The following CBFB variants were observed in gnomAD, a reference collection of about 807,000 sequenced individuals.
The protein encoded by CBFB is core-binding factor subunit beta, also known as CBF-beta.
A neutral mutation model predicts 30.4 loss-of-function variants in CBFB; 9 were observed. The ratio of observed to expected loss-of-function variants is 0.30; its 90% CI spans 0.18 to 0.52. CBFB has a LOEUF of 0.52. Ranked by LOEUF, CBFB falls within the 20% of genes least tolerant of loss-of-function variation. The probability of loss-of-function intolerance (pLI) is 0.97; values close to 1 mark genes in which losing one functional copy is unlikely to be tolerated. For missense variants in CBFB, 170 were observed against 244.0 expected (o/e 0.70, Z 2.02); for synonymous variants, 94 against 84.0 (o/e 1.12, Z -0.65).
chr16:67,082,265 G>A lies in CBFB; in HGVS notation c.452G>A (p.Arg151His), dbSNP rs1467426352. Reference sequence around the variant, plus strand: ...TTTGAAGAGGCTCGGAGAAGGACACGCGAATTTGAAGATAGAGACAGGTCT... The same window carrying A: ...TTTGAAGAGGCTCGGAGAAGGACACACGAATTTGAAGATAGAGACAGGTCT... Reference protein sequence around the residue: ...QAFEEARRRTREFEDRDRSHR... With the variant: ...QAFEEARRRTHEFEDRDRSHR... The change falls in exon 5 of 6, where the codon CGC becomes CAC. Residue 151 changes from arginine to histidine, a missense_variant. Physicochemically the swap from Arg to His is conservative, Grantham distance 29. Transcript: ENST00000412916. The A allele has an allele frequency of 6.2e-6, 10 of 1,611,784 alleles. No individual in the cohort carries two copies. Among genetic ancestry groups the A allele is most frequent in the South Asian group, 2.2e-5 (2 of 90,896 alleles).
chr16:67,053,246 CTCTT>C (rs1960612478), intron 3 of CBFB, among the ~76,000 whole-genome samples: 1 of 144,014 alleles, frequency 6.9e-6, no homozygotes, highest in Admixed American at 6.9e-5. Context: ...GTCACTTTCT[CTCTT>C]TTTTTTTTTT....
intron 5 of CBFB, 47 bp from the exon 6 acceptor site, chr16:67,098,659 TTTGA>T: frequency 9.0e-7 from 1 of 1,107,234 alleles, no homozygotes; most frequent in Non-Finnish European, 1.4e-6. Context: ...TATCTAGTAT[TTTGA>T]TTGTCAAAAC....
chr16:67,087,080 A>T (rs897308569), intron 5 of CBFB, among the ~76,000 whole-genome samples: 3 of 152,104 alleles, frequency 2.0e-5, no homozygotes, highest in Non-Finnish European at 4.4e-5. Context: ...AAGTCAAGAG[A>T]GTGTGATTGG....
At chr16:67,074,045 CA>C (rs1221023197) in intron 4 of CBFB, among the ~76,000 whole-genome samples, 1 of 151,910 alleles carries the variant, frequency 6.6e-6, no homozygotes, top group Non-Finnish European at 1.5e-5. Context: ...AAACAAAAAA[CA>C]AAAAACACCA....
chr16:67,093,849 A>G (rs1005741334), intron 5 of CBFB, among the ~76,000 whole-genome samples: 1 of 152,220 alleles, frequency 6.6e-6, no homozygotes, highest in Non-Finnish European at 1.5e-5. Context: ...CTTTGCCATC[A>G]TGTAGTATAG....
chr16:67,029,364 C>G lies in CBFB; in HGVS notation c.-44C>G, dbSNP rs763020415. ...CGGAGCCAGCCAGCGGGTGCCCGCGCAAGCCCCGAGCGCGGCCGGCCGGCG... is the reference window on the plus strand; with the variant it reads ...CGGAGCCAGCCAGCGGGTGCCCGCGGAAGCCCCGAGCGCGGCCGGCCGGCG... On this transcript the variant is annotated 5_prime_UTR_variant, in exon 1 of 6. Coordinates refer to ENST00000412916, the MANE Select transcript of CBFB (RefSeq NM_022845.3). 9.2e-6 allele frequency: 13 copies of G among 1,419,154 alleles called. No individual in the cohort carries two copies. The highest frequency in any genetic ancestry group is 6.9e-5 in the South Asian group (5 of 72,196). The allele number at this position is 1,419,154 out of a possible 1,614,324, so 87.9% of individuals were successfully genotyped here.
intron 3 of CBFB, among the ~76,000 whole-genome samples, chr16:67,061,740 AT>A (rs1295139072): frequency 1.3e-5 from 2 of 152,032 alleles, no homozygotes; most frequent in Admixed American, 1.3e-4. Flanking sequence ...AAAAATTGTC[AT>A]CATTTTCTGG....
chr16:67,086,426 A>G (rs1017107977), intron 5 of CBFB, among the ~76,000 whole-genome samples: 11 of 152,216 alleles, frequency 7.2e-5, no homozygotes, highest in African/African-American at 2.7e-4. Flanking sequence ...CTTATTGAAC[A>G]ACATGTTGAA....
At chr16:67,085,763 C>T (rs1408296577) in intron 5 of CBFB, among the ~76,000 whole-genome samples, 4 of 150,770 alleles carry the variant, frequency 2.7e-5, no homozygotes, top group Admixed American at 6.6e-5. Context: ...CTGCAAGCTC[C>T]GCCTCCCTGG....
At chr16:67,053,053 T>C (rs1960604884) in intron 3 of CBFB, among the ~76,000 whole-genome samples, 1 of 151,648 alleles carries the variant, frequency 6.6e-6, no homozygotes, top group South Asian at 2.1e-4. Context: ...TTTACAGTTC[T>C]TTTCCTCAAC....
chr16:67,038,345 T>C (rs1227527101), intron 3 of CBFB, among the ~76,000 whole-genome samples: 1 of 146,726 alleles, frequency 6.8e-6, no homozygotes, highest in Non-Finnish European at 1.5e-5. Flanking sequence ...TATATATGTA[T>C]ATATGTGTGT....
intron 3 of CBFB, among the ~76,000 whole-genome samples, chr16:67,062,566 C>T (rs919355973): frequency 1.3e-5 from 2 of 151,186 alleles, no homozygotes; most frequent in East Asian, 4.0e-4. Flanking sequence ...CCAAGGCGGG[C>T]GGATCACCTG....
chr16:67,100,523 T>A lies in CBFB; in HGVS notation c.*1745T>A. On this transcript the variant is annotated 3_prime_UTR_variant, in exon 6 of 6. Coordinates refer to ENST00000412916, the MANE Select transcript of CBFB (RefSeq NM_022845.3). ...TTTGGTGTTGTACAGCTCACATGTT[T>A]ACACACTCAGTGCCCTAATTTCCCC... 1 of 228,540 alleles carries A rather than the reference T, an allele frequency of 4.4e-6. No homozygotes were observed. Among genetic ancestry groups the A allele is most frequent in the Non-Finnish European group, 8.7e-6 (1 of 114,854 alleles). The allele number at this position is 228,540 out of a possible 1,614,324, so 14.2% of individuals were successfully genotyped here.
chr16:67,077,720 G>T (rs1480254702), intron 4 of CBFB, among the ~76,000 whole-genome samples: 1 of 152,204 alleles, frequency 6.6e-6, no homozygotes, highest in Non-Finnish European at 1.5e-5. Flanking sequence ...AAACTCTGAT[G>T]CAGAAAGGTA....
chr16:67,085,255 T>C (rs1379197894), intron 5 of CBFB, among the ~76,000 whole-genome samples: 3 of 148,962 alleles, frequency 2.0e-5, no homozygotes, highest in African/African-American at 7.4e-5. Context: ...CCGCAACCTC[T>C]GCCTCCCGGG....
chr16:67,090,106 C>T (rs1029109783), intron 5 of CBFB, among the ~76,000 whole-genome samples: 1 of 152,074 alleles, frequency 6.6e-6, no homozygotes, highest in African/African-American at 2.4e-5. Flanking sequence ...CTTTTCTTGG[C>T]TCTGTTGGAG....
Position 67,098,733 on chromosome 16 carries a change from T to C in CBFB, c.519T>C (p.Ser173=), listed in dbSNP as rs755925246. 8.1e-6 allele frequency: 13 copies of C among 1,610,722 alleles called. No individual in the cohort carries two copies. Among genetic ancestry groups the C allele is most frequent in the Admixed American group, 1.7e-5 (1 of 59,962 alleles). The part of the protein sequence containing the change: ...EMEARRQQDP[S]PGSNLGGGDD... ...AGGCAAGAAGACAACAAGACCCTAG[T>C]CCTGGTTCCAATTTAGGTGGTGGTG... The change falls in exon 6 of 6, where the codon AGT becomes AGC. Residue 173 remains serine, a synonymous_variant. Transcript: ENST00000412916.
At chr16:67,043,813 A>G (rs937031160) in intron 3 of CBFB, among the ~76,000 whole-genome samples, 7 of 152,142 alleles carry the variant, frequency 4.6e-5, no homozygotes, top group African/African-American at 1.7e-4. Flanking sequence ...GATTATAGCT[A>G]ACTGATTGAT....
At chr16:67,096,770 T>G (rs547520145) in intron 5 of CBFB, among the ~76,000 whole-genome samples, 2 of 151,598 alleles carry the variant, frequency 1.3e-5, no homozygotes, top group Non-Finnish European at 2.9e-5. Context: ...GTCAGGAGAT[T>G]GAGACCATCC....
Sources: gnomAD v4.1 joint callset for allele counts (sites outside exome capture counted in the v4.1 genomes callset) on GRCh38, gnomAD v4.1.1 for gene constraint, MANE v1.5 for transcripts, NCBI Gene and HGNC (gene_info 2026-07-23, HGNC 2026-07-21) for gene names.